Variants in HMBOX1 observed in about 807,000 individuals in gnomAD.
HMBOX1 encodes homeobox-containing protein 1.
HMBOX1 carries 14 observed loss-of-function variants against 54.5 expected under a neutral mutation model. The observed-to-expected ratio is 0.26, with a 90% CI of 0.17 to 0.40. HMBOX1 has a LOEUF of 0.40. HMBOX1 is among the 10% of genes least tolerant of loss of function. The probability of loss-of-function intolerance (pLI) is 1.00; values close to 1 mark genes in which losing one functional copy is unlikely to be tolerated. For synonymous variants in HMBOX1, 160 were observed against 181.0 expected, an observed-to-expected ratio of 0.88 and a Z score of 0.93; for missense variants, 332 against 514.4, an observed-to-expected ratio of 0.65 and a Z score of 3.43.
chr8:29,041,309 C>T (rs766416328), intron 6 of HMBOX1, among the ~76,000 whole-genome samples: 2 of 152,142 alleles, frequency 1.3e-5, no homozygotes, highest in East Asian at 1.9e-4. Flanking sequence ...CCCCTTAGTA[C>T]GTATCCTTCA....
intron 6 of HMBOX1, among the ~76,000 whole-genome samples, chr8:29,043,143 C>T (rs1805086027): frequency 1.3e-5 from 2 of 152,200 alleles, no homozygotes; most frequent in Non-Finnish European, 1.5e-5. Flanking sequence ...CAAGCTGGCC[C>T]CATCCCACCT....
intron 1 of HMBOX1, among the ~76,000 whole-genome samples, chr8:28,933,594 A>G (rs1819868959): frequency 1.3e-5 from 2 of 151,176 alleles, no homozygotes; most frequent in African/African-American, 2.4e-5. Context: ...CAAATTACCA[A>G]TATCTGGAAT....
chr8:28,898,631 T>C (rs1812622590), intron 1 of HMBOX1, among the ~76,000 whole-genome samples: 1 of 152,230 alleles, frequency 6.6e-6, no homozygotes. Flanking sequence ...CTGCTTCATC[T>C]CCCTTTCTCA....
At chr8:29,018,673 A>G (rs1800707420) in intron 5 of HMBOX1, 87 bp from the exon 6 acceptor site, 53 of 1,342,878 alleles carry the variant, frequency 3.9e-5, no homozygotes, top group Non-Finnish European at 4.9e-5. Context: ...GCCAAAGACC[A>G]TACTTCCCTA....
At chr8:28,924,319 C>T (rs541612798) in intron 1 of HMBOX1, among the ~76,000 whole-genome samples, 14 of 152,048 alleles carry the variant, frequency 9.2e-5, no homozygotes, top group African/African-American at 3.4e-4. Context: ...CCATGTTAGC[C>T]AGGATGGTCT....
At chr8:28,930,049 CAT>C (rs1819220864) in intron 1 of HMBOX1, among the ~76,000 whole-genome samples, 1 of 150,538 alleles carries the variant, frequency 6.6e-6, no homozygotes, top group Non-Finnish European at 1.5e-5. Flanking sequence ...GTCAGGGAAA[CAT>C]ATTTCTCTTG....
chr8:28,994,524 A>G (rs908593290), intron 4 of HMBOX1, among the ~76,000 whole-genome samples: 1 of 152,220 alleles, frequency 6.6e-6, no homozygotes, highest in African/African-American at 2.4e-5. Context: ...ATTCTACACT[A>G]CTGTTAAAAG....
intron 4 of HMBOX1, among the ~76,000 whole-genome samples, chr8:28,980,757 C>T (rs1829203198): frequency 6.6e-6 from 1 of 152,004 alleles, no homozygotes; most frequent in Admixed American, 6.5e-5. Context: ...AATTTGGGGG[C>T]AGATGTCTTT....
At chr8:28,900,262 A>AT (rs1812952067) in intron 1 of HMBOX1, among the ~76,000 whole-genome samples, 1 of 91,122 alleles carries the variant, frequency 1.1e-5, no homozygotes, top group African/African-American at 3.4e-5. Flanking sequence ...CTCAAAAAAA[A>AT]AAAAAAAAAA....
chr8:29,029,441 CTT>C (rs1203934016), intron 6 of HMBOX1, among the ~76,000 whole-genome samples: 1 of 152,240 alleles, frequency 6.6e-6, no homozygotes, highest in Non-Finnish European at 1.5e-5. Flanking sequence ...CAATAAGTGA[CTT>C]TTGCTCTTGT....
chr8:29,012,382 A>C (rs1163917395), intron 5 of HMBOX1, among the ~76,000 whole-genome samples: 1 of 152,204 alleles, frequency 6.6e-6, no homozygotes, highest in Non-Finnish European at 1.5e-5. Context: ...GAACTGGTTA[A>C]ATAAATTAAT....
rs139719229 is a variant in HMBOX1 at position 28,911,589 on chromosome 8, C to G, written c.-58+20911C>G. ...CAGACTGATCTTGAACTTCTGACCT[C>G]AAATGATCCACCCACCTCGGCCTCC... On this transcript the variant is annotated intron_variant, in intron 1 of 9. Transcript: ENST00000287701. 2.2e-3 allele frequency among the ~76,000 whole-genome samples: 329 copies of G among 152,258 alleles called. 1 individual carries two copies. The highest frequency in any genetic ancestry group is 3.1e-3 in the Non-Finnish European group (212 of 68,022).
rs186300575 is a variant in HMBOX1, at chr8:28,962,562, G to A, written c.-57-1249G>A. ...ATCATCTACTCCTCACACATACTGT[G>A]TTAAAGGCCAGCAACACAAGCCTAC... On this transcript the variant is annotated intron_variant, in intron 1 of 9. Coordinates refer to ENST00000287701, the MANE Select transcript of HMBOX1 (RefSeq NM_001135726.3). 2.0e-3 allele frequency among the ~76,000 whole-genome samples: 310 copies of A among 152,232 alleles called. 2 individuals are homozygous for A. Among genetic ancestry groups the A allele is most frequent in the African/African-American group, 7.1e-3 (296 of 41,536 alleles).
intron 1 of HMBOX1, among the ~76,000 whole-genome samples, chr8:28,952,332 C>G (rs1194507516): frequency 6.6e-6 from 1 of 152,090 alleles, no homozygotes; most frequent in Non-Finnish European, 1.5e-5. Flanking sequence ...CTCCTGGGTT[C>G]AAGCGATCCT....
chr8:29,008,894 A>G (rs1445827734), intron 4 of HMBOX1, among the ~76,000 whole-genome samples, 178 bp from the exon 5 acceptor site: 1 of 152,218 alleles, frequency 6.6e-6, no homozygotes, highest in African/African-American at 2.4e-5. Context: ...TTCTGAGTAT[A>G]TCCTAGCCAG....
chr8:28,992,500 C>A (rs1831125912), intron 4 of HMBOX1, among the ~76,000 whole-genome samples: 2 of 152,252 alleles, frequency 1.3e-5, no homozygotes, highest in African/African-American at 4.8e-5. Flanking sequence ...TGATAATGAA[C>A]TTTTGAACAA....
chr8:28,907,511 CTA>C (rs1814566255), intron 1 of HMBOX1, among the ~76,000 whole-genome samples: 2 of 152,126 alleles, frequency 1.3e-5, no homozygotes, highest in East Asian at 1.9e-4. Context: ...AAGTTTATCT[CTA>C]TTATATAGTG....
intron 3 of HMBOX1, among the ~76,000 whole-genome samples, chr8:28,979,545 T>C (rs1829001639): frequency 6.6e-6 from 1 of 152,254 alleles, no homozygotes; most frequent in Non-Finnish European, 1.5e-5. Flanking sequence ...CAAGCCTTTC[T>C]TCAAATGGCT....
intron 1 of HMBOX1, among the ~76,000 whole-genome samples, chr8:28,917,066 CAAA>C (rs35179018): frequency 8.5e-5 from 6 of 70,952 alleles, no homozygotes; most frequent in Non-Finnish European, 5.9e-5. Flanking sequence ...GACCCTGTCT[CAAA>C]AAAAAAAAAA....
Sources: gnomAD v4.1 joint callset for allele counts (sites outside exome capture counted in the v4.1 genomes callset) on GRCh38, gnomAD v4.1.1 for gene constraint, MANE v1.5 for transcripts, NCBI Gene and HGNC (gene_info 2026-07-23, HGNC 2026-07-21) for gene names.